Variants in FRMD3 observed in about 807,000 individuals in gnomAD.
FRMD3 encodes FERM domain containing 3, also known as FERM domain-containing protein 3.
In FRMD3, 33 loss-of-function variants were observed where a neutral mutation model predicts 70.2. The observed-to-expected ratio is 0.47, with a 90% CI of 0.36 to 0.63. FRMD3 has a LOEUF of 0.63. Among genes scored for constraint, FRMD3 ranks in the 20% least tolerant of loss-of-function variants. The pLI, the probability that FRMD3 is intolerant of heterozygous loss-of-function variation, is 0.00. For synonymous variants in FRMD3, 279 were observed against 255.9 expected (o/e 1.09, Z -0.86); for missense variants, 632 against 711.4 (o/e 0.89, Z 1.27).
intron 1 of FRMD3, among the ~76,000 whole-genome samples, chr9:83,530,906 T>C (rs952663931): frequency 6.6e-6 from 1 of 152,114 alleles, no homozygotes; most frequent in Admixed American, 6.5e-5. Flanking sequence ...ACAGGGGAAG[T>C]TGATCCCACC....
intron 9 of FRMD3, among the ~76,000 whole-genome samples, chr9:83,310,101 G>T (rs939944555): frequency 2.0e-5 from 3 of 152,134 alleles, no homozygotes; most frequent in African/African-American, 7.2e-5. Context: ...AGACTCTCTG[G>T]ACTAATAGGC....
At chr9:83,362,907 CTT>C (rs1226583520) in intron 3 of FRMD3, among the ~76,000 whole-genome samples, 1 of 142,490 alleles carries the variant, frequency 7.0e-6, no homozygotes, top group Non-Finnish European at 1.5e-5. Context: ...TCCTTCCTCC[CTT>C]TCTTTCCTCC....
At chr9:83,580,001 T>C in the FRMD3 span, among the ~76,000 whole-genome samples, 26 of 152,036 alleles carry the variant, frequency 1.7e-4, no homozygotes, top group African/African-American at 6.0e-4. Flanking sequence ...AAAGAAGACA[T>C]ACGAATGGCC....
At chr9:83,420,172 T>C (rs1376084933) in intron 1 of FRMD3, among the ~76,000 whole-genome samples, 1 of 152,200 alleles carries the variant, frequency 6.6e-6, no homozygotes, top group Non-Finnish European at 1.5e-5. Context: ...TAAACTCTAC[T>C]GCAGAAACGG....
intron 1 of FRMD3, among the ~76,000 whole-genome samples, chr9:83,533,655 A>T (rs1474744351): frequency 3.3e-5 from 5 of 152,236 alleles, no homozygotes; most frequent in Non-Finnish European, 7.3e-5. Flanking sequence ...TTTAATGTGC[A>T]CATATTATAC....
intron 6 of FRMD3, among the ~76,000 whole-genome samples, chr9:83,334,679 T>A (rs958252819): frequency 6.6e-6 from 1 of 152,160 alleles, no homozygotes; most frequent in African/African-American, 2.4e-5. Context: ...ACTAGACTAC[T>A]TGAATTACCT....
chr9:83,438,554 C>A (rs1827205370), intron 1 of FRMD3, among the ~76,000 whole-genome samples: 1 of 152,188 alleles, frequency 6.6e-6, no homozygotes, highest in African/African-American at 2.4e-5. Context: ...TGCCTGTCAC[C>A]ATGCCCAGCT....
chr9:83,304,357 T>C (rs1835039580), intron 10 of FRMD3, among the ~76,000 whole-genome samples: 1 of 152,176 alleles, frequency 6.6e-6, no homozygotes, highest in Non-Finnish European at 1.5e-5. Flanking sequence ...CCTTATTACT[T>C]GGAGTGTGGT....
At chr9:83,411,731 T>G (rs1587827908) in intron 1 of FRMD3, among the ~76,000 whole-genome samples, 2 of 152,366 alleles carry the variant, frequency 1.3e-5, no homozygotes, top group Middle Eastern at 3.4e-3. Flanking sequence ...TATTATATAT[T>G]ATTTCATCTC....
chr9:83,292,334 A>G (rs1465273043), intron 12 of FRMD3, among the ~76,000 whole-genome samples: 1 of 151,422 alleles, frequency 6.6e-6, no homozygotes, highest in East Asian at 2.0e-4. Flanking sequence ...AAATTTTTGT[A>G]TTTTTAGTAG....
chr9:83,394,389 A>G (rs1296693636), intron 1 of FRMD3, among the ~76,000 whole-genome samples: 1 of 152,168 alleles, frequency 6.6e-6, no homozygotes, highest in Non-Finnish European at 1.5e-5. Flanking sequence ...TGGCTGGGTA[A>G]GAGTGGGCTA....
At chr9:83,366,687 T>C (rs748511336) in intron 3 of FRMD3, among the ~76,000 whole-genome samples, 2 of 152,228 alleles carry the variant, frequency 1.3e-5, no homozygotes, top group African/African-American at 2.4e-5. Flanking sequence ...AATTCAGTCA[T>C]AGGAAAATAA....
At position 83,345,469 on chromosome 9, in the gene FRMD3, C is replaced by A. The variant is rs185031988; in HGVS notation, c.375-2182G>T. Among the ~76,000 whole-genome samples, 7 of 152,028 alleles carry A rather than the reference C, an allele frequency of 4.6e-5. No homozygotes were observed. In the East Asian group the frequency reaches 1.4e-3, roughly 29 times the overall value. On this transcript the variant is annotated intron_variant, in intron 4 of 13. Transcript: ENST00000304195. ...TGAGATTCTGTATTTCTAATAAGCTCCAGGGGGGCCGGGCATGGTGGCTCA... is the reference window on the plus strand; with the variant it reads ...TGAGATTCTGTATTTCTAATAAGCTACAGGGGGGCCGGGCATGGTGGCTCA...
At chr9:83,516,626 T>C (rs1829460805) in intron 1 of FRMD3, among the ~76,000 whole-genome samples, 2 of 152,170 alleles carry the variant, frequency 1.3e-5, no homozygotes, top group Non-Finnish European at 2.9e-5. Context: ...GCGAACCTAA[T>C]AGACATCTTC....
At chr9:83,264,807 T>TGG (rs142550949) in intron 13 of FRMD3, among the ~76,000 whole-genome samples, 176 of 137,642 alleles carry the variant, frequency 1.3e-3, no homozygotes, top group East Asian at 3.8e-3. Flanking sequence ...TAACCAATTG[T>TGG]GGGGGGAGGG....
At chr9:83,533,325 T>C (rs1375564201) in intron 1 of FRMD3, among the ~76,000 whole-genome samples, 1 of 152,210 alleles carries the variant, frequency 6.6e-6, no homozygotes, top group East Asian at 1.9e-4. Flanking sequence ...TGGATAGTTA[T>C]AAAATTCATA....
intron 4 of FRMD3, among the ~76,000 whole-genome samples, chr9:83,346,170 T>A (rs974693505): frequency 9.5e-5 from 14 of 148,130 alleles, no homozygotes; most frequent in African/African-American, 3.3e-4. Flanking sequence ...GCAGGAAAAT[T>A]GCTTGAACCC....
the FRMD3 span, among the ~76,000 whole-genome samples, chr9:83,585,706 C>G: frequency 6.6e-6 from 1 of 152,200 alleles, no homozygotes; most frequent in Non-Finnish European, 1.5e-5. Flanking sequence ...GAACTTTCTA[C>G]TTTCAGAGCT....
chr9:83,406,976 A>T (rs1032221667), intron 1 of FRMD3, among the ~76,000 whole-genome samples: 1 of 152,208 alleles, frequency 6.6e-6, no homozygotes, highest in Non-Finnish European at 1.5e-5. Context: ...GTGTGAATAA[A>T]GCCCTTCTCA....
Sources: gnomAD v4.1 joint callset for allele counts (sites outside exome capture counted in the v4.1 genomes callset) on GRCh38, gnomAD v4.1.1 for gene constraint, MANE v1.5 for transcripts, NCBI Gene and HGNC (gene_info 2026-07-23, HGNC 2026-07-21) for gene names.